The following WNT9B variants were observed in gnomAD, a reference collection of about 807,000 sequenced individuals.
WNT9B encodes the protein protein Wnt-9b.
A neutral mutation model predicts 30.2 loss-of-function variants in WNT9B; 12 were observed. That is an observed-to-expected ratio of 0.40 (90% CI 0.26 to 0.64). WNT9B has a LOEUF of 0.64. WNT9B is among the 30% of genes least tolerant of loss of function. The pLI is 0.42. For synonymous variants in WNT9B, 218 were observed against 216.9 expected, an observed-to-expected ratio of 1.01 and a Z score of -0.05; for missense variants, 442 against 485.2, an observed-to-expected ratio of 0.91 and a Z score of 0.84.
intron 1 of WNT9B, among the ~76,000 whole-genome samples, chr17:46,844,650 G>A (rs1056439969): frequency 6.6e-6 from 1 of 152,136 alleles, no homozygotes; most frequent in African/African-American, 2.4e-5. Flanking sequence ...TCTTTTTAGA[G>A]AGTTTAGAGA....
chr17:46,863,843 C>A (rs1039893899), intron 1 of WNT9B, among the ~76,000 whole-genome samples: 2 of 152,140 alleles, frequency 1.3e-5, no homozygotes, highest in Non-Finnish European at 2.9e-5. Context: ...CCAAGGGAGC[C>A]GCTCACAACT....
In WNT9B at chr17:46,877,034, T is replaced by C. The variant is rs2085357803; in HGVS notation, c.*316T>C. 2.6e-6 allele frequency: 3 copies of C among 1,169,848 alleles called. No individual in the cohort carries two copies. In the East Asian group the frequency reaches 1.2e-4, roughly 46 times the overall value. The allele number at this position is 1,169,848 out of a possible 1,614,324, so 72.5% of individuals were successfully genotyped here. ...CAAGAGCACAGCAGGACTGAAATTT[T>C]GGACGGGAGAGAGGGGCTATTCCAT... On this transcript the variant is annotated 3_prime_UTR_variant, in exon 4 of 4. Transcript: ENST00000290015.
At chr17:46,884,021 G>T (rs73987101), downstream of WNT9B, among the ~76,000 whole-genome samples, 469 of 152,218 alleles carry the variant, frequency 3.1e-3, 2 homozygotes, top group African/African-American at 0.011. Context: ...GCCATGGAGA[G>T]TGGGCAGTGG....
At chr17:46,866,750 A>G (rs960694112) in intron 1 of WNT9B, among the ~76,000 whole-genome samples, 1 of 152,028 alleles carries the variant, frequency 6.6e-6, no homozygotes, top group Non-Finnish European at 1.5e-5. Context: ...CACTGGCATT[A>G]CCTGGTGCCC....
At chr17:46,868,981 C>A (rs2085190754) in intron 1 of WNT9B, among the ~76,000 whole-genome samples, 1 of 152,182 alleles carries the variant, frequency 6.6e-6, no homozygotes, top group African/African-American at 2.4e-5. Flanking sequence ...GGTACTATTT[C>A]TTCAAAGGAA....
intron 1 of WNT9B, among the ~76,000 whole-genome samples, chr17:46,858,199 G>A (rs139399050): frequency 6.6e-6 from 1 of 152,162 alleles, no homozygotes; most frequent in Non-Finnish European, 1.5e-5. Flanking sequence ...CAAAGTGCTG[G>A]GATTACAGGC....
At chr17:46,873,366 G>A (rs950976453) in intron 2 of WNT9B, among the ~76,000 whole-genome samples, 1 of 152,062 alleles carries the variant, frequency 6.6e-6, no homozygotes, top group East Asian at 1.9e-4. Flanking sequence ...AGATCCTGGA[G>A]GTTCAGAGCT....
At chr17:46,866,971 C>T (rs147644209) in intron 1 of WNT9B, among the ~76,000 whole-genome samples, 1 of 152,196 alleles carries the variant, frequency 6.6e-6, no homozygotes, top group Non-Finnish European at 1.5e-5. Context: ...CCTCTTGCCT[C>T]CTCCTCACCC....
At chr17:46,848,861 T>C (rs766319999), upstream of WNT9B, among the ~76,000 whole-genome samples, 5 of 152,260 alleles carry the variant, frequency 3.3e-5, no homozygotes, top group African/African-American at 4.8e-5. Flanking sequence ...GGAGTTATGA[T>C]TGTCCCAGCC....
At chr17:46,860,270 C>T (rs1273568169) in intron 1 of WNT9B, among the ~76,000 whole-genome samples, 2 of 152,086 alleles carry the variant, frequency 1.3e-5, no homozygotes, top group Non-Finnish European at 2.9e-5. Context: ...GGCAGACTCC[C>T]GGGCTGGAAT....
chr17:46,884,697 T>A (rs1203327210), downstream of WNT9B, among the ~76,000 whole-genome samples: 1 of 152,042 alleles, frequency 6.6e-6, no homozygotes, highest in Non-Finnish European at 1.5e-5. Context: ...GTTGGTGTCA[T>A]CCCTCCTTTG....
Position 46,879,435 on chromosome 17 carries a change from T to C in WNT9B, c.*2717T>C, listed in dbSNP as rs2085394505. 6.6e-6 allele frequency among the ~76,000 whole-genome samples: 1 copy of C among 152,234 alleles called. No individual in the cohort carries two copies. The highest frequency in any genetic ancestry group is 1.5e-5 in the Non-Finnish European group (1 of 68,032). On this transcript the variant is annotated 3_prime_UTR_variant, in exon 4 of 4. Transcript: ENST00000290015. ...GCCCTTCTGGGTCCAGGCCCCCTTC[T>C]TCTGCTCTGGCAAAAGTGTCTTACT...
At chr17:46,834,373 A>G (rs2084598047) in intron 1 of WNT9B, among the ~76,000 whole-genome samples, 1 of 151,912 alleles carries the variant, frequency 6.6e-6, no homozygotes, top group Admixed American at 6.6e-5. Context: ...TGCCTCTGGG[A>G]GAGGGCAGGC....
chr17:46,876,863 C>A lies in WNT9B; in HGVS notation c.*145C>A. ...CAATGCACACGAGTGTGCCACTCAC[C>A]ACCATTCCTTGGCCAGCCTTTTGCC... On this transcript the variant is annotated 3_prime_UTR_variant, in exon 4 of 4. Transcript: ENST00000290015. The A allele has an allele frequency of 7.1e-7, 1 of 1,404,810 alleles. No homozygotes were observed. The highest frequency in any genetic ancestry group is 9.3e-7 in the Non-Finnish European group (1 of 1,075,684). The allele number at this position is 1,404,810 out of a possible 1,614,324, so 87.0% of individuals were successfully genotyped here. A position where few individuals can be genotyped will look rare whatever the true frequency, so the allele number is the denominator to read the frequency against.
At chr17:46,862,654 C>T (rs1357862107) in intron 1 of WNT9B, among the ~76,000 whole-genome samples, 1 of 152,164 alleles carries the variant, frequency 6.6e-6, no homozygotes. Context: ...AGGATCTTAG[C>T]TCACTACAAC....
In WNT9B at chr17:46,877,038, C is replaced by T. The variant is rs762890816; in HGVS notation, c.*320C>T. 25 of 1,164,410 alleles carry T rather than the reference C, an allele frequency of 2.1e-5. No individual in the cohort carries two copies. Among genetic ancestry groups the T allele is most frequent in the South Asian group, 1.3e-4 (3 of 23,864 alleles). The allele number at this position is 1,164,410 out of a possible 1,614,324, so 72.1% of individuals were successfully genotyped here. A position where few individuals can be genotyped will look rare whatever the true frequency, so the allele number is the denominator to read the frequency against. On this transcript the variant is annotated 3_prime_UTR_variant, in exon 4 of 4. Coordinates refer to ENST00000290015, the MANE Select transcript of WNT9B (RefSeq NM_003396.3). Reference sequence around the variant, plus strand: ...AGCACAGCAGGACTGAAATTTTGGACGGGAGAGAGGGGCTATTCCATCTTG... The same window carrying T: ...AGCACAGCAGGACTGAAATTTTGGATGGGAGAGAGGGGCTATTCCATCTTG...
At chr17:46,871,224 C>T (rs1598860212) in intron 1 of WNT9B, among the ~76,000 whole-genome samples, 1 of 152,104 alleles carries the variant, frequency 6.6e-6, no homozygotes, top group East Asian at 1.9e-4. Flanking sequence ...GATCTTTTAC[C>T]CTGGCTATGA....
Position 46,872,787 on chromosome 17 carries a change from CTA to C in WNT9B, c.334+15_334+16del. The stretch of plus-strand genomic sequence containing the variant: ...TGCTCAAGAGAGGTGGGGAGGAGGG[CTA>C]GGGGACGGGGAGGGCTGGGGGAAGA... On this transcript the variant is annotated intron_variant, in intron 2 of 3. Transcript: ENST00000290015. The C allele has an allele frequency of 7.1e-7, 1 of 1,415,256 alleles. No individual in the cohort carries two copies. The highest frequency in any genetic ancestry group is 9.8e-7 in the Non-Finnish European group (1 of 1,022,350). 87.7% of individuals were successfully genotyped at this position (1,415,256 alleles called of 1,614,324 possible).
chr17:46,879,172 T>C lies in WNT9B; in HGVS notation c.*2454T>C, dbSNP rs879542574. Among the ~76,000 whole-genome samples, 2 of 152,236 alleles carry C rather than the reference T, an allele frequency of 1.3e-5. No homozygotes were observed. Among genetic ancestry groups the C allele is most frequent in the Non-Finnish European group, 2.9e-5 (2 of 68,036 alleles). ...ATTTATATTATTTATATAGTTGCTA[T>C]ATTTCACAGACAGCACAGGTGGGGT... is the stretch of plus-strand genomic sequence containing the variant. On this transcript the variant is annotated 3_prime_UTR_variant, in exon 4 of 4. Transcript: ENST00000290015.
Sources: gnomAD v4.1 joint callset for allele counts (sites outside exome capture counted in the v4.1 genomes callset) on GRCh38, gnomAD v4.1.1 for gene constraint, MANE v1.5 for transcripts, NCBI Gene and HGNC (gene_info 2026-07-23, HGNC 2026-07-21) for gene names.